The following DAPK1 variants were observed in gnomAD, a reference collection of about 807,000 sequenced individuals.
The protein encoded by DAPK1 is death associated protein kinase 1, also known as death-associated protein kinase 1.
In DAPK1, 56 loss-of-function variants were observed where a neutral mutation model predicts 144.9. That is an observed-to-expected ratio of 0.39 (90% confidence interval 0.31 to 0.48). The LOEUF is 0.48. DAPK1 is among the 20% of genes least tolerant of loss of function. DAPK1 has a pLI of 0.95. For missense variants in DAPK1, 1,454 were observed against 1,875.4 expected (o/e 0.78, Z 4.15); for synonymous variants, 690 against 749.0 (o/e 0.92, Z 1.29).
In DAPK1 at chr9:87,658,054, C is replaced by A; in HGVS notation, c.1850C>A (p.Ala617Glu). Residue 617 changes from alanine to glutamate, a missense_variant, in exon 18 of 26, where the codon GCG (alanine) becomes GAG (glutamate). Ala to Glu is a moderately radical substitution (Grantham distance 107). This residue lies in a region of DAPK1 where 1,025 missense variants were observed against 1,237.9 expected (regional missense o/e 0.83). Coordinates refer to ENST00000408954, the MANE Select transcript of DAPK1 (RefSeq NM_004938.4). ...TATGGGCGAACGCCTCTGCACCTTG[C>A]GGCCAACAACGGAATCCTAGACGTG... ...NKYGRTPLHL[A>E]ANNGILDVVR... The A allele has an allele frequency of 1.3e-6, 2 of 1,514,506 alleles. No homozygotes were observed. The highest frequency in any genetic ancestry group is 1.8e-6 in the Non-Finnish European group (2 of 1,090,112). The allele number at this position is 1,514,506 out of a possible 1,614,324, so 93.8% of individuals were successfully genotyped here. A position where few individuals can be genotyped will look rare whatever the true frequency, so the allele number is the denominator to read the frequency against.
chr9:87,655,344 G>A (rs997002478), intron 17 of DAPK1, among the ~76,000 whole-genome samples: 2 of 152,062 alleles, frequency 1.3e-5, no homozygotes, highest in East Asian at 1.9e-4. Flanking sequence ...GTTGCTGTCA[G>A]GCTTGTTTTG....
In DAPK1 at chr9:87,706,267, G is replaced by A. The variant is rs200178571; in HGVS notation, c.3196G>A (p.Val1066Met). The A allele has an allele frequency of 2.2e-4, 362 of 1,613,458 alleles. 4 individuals carry two copies. The highest frequency in any genetic ancestry group is 1.1e-3 in the South Asian group (99 of 90,984). The change falls in exon 26 of 26, where the codon GTG becomes ATG. Residue 1066 changes from valine (V) to methionine (M), a missense_variant. Coordinates refer to ENST00000408954, the MANE Select transcript of DAPK1 (RefSeq NM_004938.4). The surrounding 1 kb of genome is among the most constrained non-coding windows in gnomAD (Gnocchi z 9.0). Reference sequence around the variant, plus strand: ...GCACCACTACCGGGGCCGCTACACCGTGGAGGACATCCAGCGCCTGGTGCC... The same window carrying A: ...GCACCACTACCGGGGCCGCTACACCATGGAGGACATCCAGCGCCTGGTGCC... Reference protein sequence around the residue: ...ALHHYRGRYTVEDIQRLVPDS... With the variant: ...ALHHYRGRYTMEDIQRLVPDS...
At chr9:87,602,075 G>T (rs777207425) in intron 2 of DAPK1, among the ~76,000 whole-genome samples, 1 of 152,156 alleles carries the variant, frequency 6.6e-6, no homozygotes, top group East Asian at 1.9e-4. Context: ...CCCCTGAGGG[G>T]TATGGGGTGC....
intron 2 of DAPK1, among the ~76,000 whole-genome samples, chr9:87,526,088 G>A (rs36229911): frequency 0.031 from 4,704 of 150,990 alleles, 220 homozygotes; most frequent in African/African-American, 0.11. Flanking sequence ...CAAGAGGATC[G>A]CTTACAGCCA....
chr9:87,498,326 C>A (rs1450861181), intron 1 of DAPK1, among the ~76,000 whole-genome samples: 2 of 152,142 alleles, frequency 1.3e-5, no homozygotes, highest in Admixed American at 6.5e-5. Flanking sequence ...CCCGACCAGG[C>A]GCTTTGTGTC....
intron 2 of DAPK1, among the ~76,000 whole-genome samples, chr9:87,529,695 G>C (rs36230549): frequency 2.0e-5 from 3 of 152,214 alleles, no homozygotes; most frequent in African/African-American, 4.8e-5. Context: ...TGCAGTGGAC[G>C]TGCCTTTATC....
intron 3 of DAPK1, among the ~76,000 whole-genome samples, chr9:87,612,706 A>C (rs969007745): frequency 2.0e-5 from 3 of 152,240 alleles, no homozygotes; most frequent in Non-Finnish European, 4.4e-5. Context: ...ATGCCTAATT[A>C]TGGTAATGCC....
intron 3 of DAPK1, chr9:87,631,988 G>A (rs1587789793): frequency 1.4e-6 from 1 of 714,600 alleles, no homozygotes; most frequent in East Asian, 1.2e-4. Context: ...AGAAATAAAG[G>A]AAGATGAGTA....
At position 87,703,017 on chromosome 9, in the gene DAPK1, T is replaced by G; in HGVS notation, c.2872-12T>G. On this transcript the variant is annotated splice_polypyrimidine_tract_variant and intron_variant, in intron 24 of 25. Coordinates refer to ENST00000408954, the MANE Select transcript of DAPK1 (RefSeq NM_004938.4). The stretch of plus-strand genomic sequence containing the variant: ...GCAGGTGAGTTAACCTGTCTGGCCC[T>G]GCCCCCTCTAGGTCTGTCCTCCCAT... 6.9e-7 allele frequency: 1 copy of G among 1,454,536 alleles called. No individual in the cohort carries two copies. The highest frequency in any genetic ancestry group is 1.4e-5 in the African/African-American group (1 of 71,760). 90.1% of individuals were successfully genotyped at this position (1,454,536 alleles called of 1,614,324 possible). A position where few individuals can be genotyped will look rare whatever the true frequency, so the allele number is the denominator to read the frequency against.
chr9:87,587,257 G>T (rs1000676892), intron 2 of DAPK1, among the ~76,000 whole-genome samples: 1 of 152,088 alleles, frequency 6.6e-6, no homozygotes. Context: ...TAATAATAAC[G>T]GAAGAAAAAA....
chr9:87,593,576 G>A (rs1828214242), intron 2 of DAPK1, among the ~76,000 whole-genome samples: 10 of 152,142 alleles, frequency 6.6e-5, no homozygotes, highest in Admixed American at 5.2e-4. Flanking sequence ...AGACTACCAA[G>A]CTCTGTCCTT....
At chr9:87,541,640 A>G (rs1241495650) in intron 2 of DAPK1, among the ~76,000 whole-genome samples, 1 of 152,194 alleles carries the variant, frequency 6.6e-6, no homozygotes, top group African/African-American at 2.4e-5. Flanking sequence ...GCTTTCAGAG[A>G]AAAACACTCT....
At chr9:87,643,322 C>G in intron 10 of DAPK1, 54 bp from the exon 11 acceptor site, 1 of 1,109,644 alleles carries the variant, frequency 9.0e-7, no homozygotes, top group Non-Finnish European at 1.3e-6. Flanking sequence ...CTCCTCTCAC[C>G]CTGCCTTTTT....
intron 19 of DAPK1, among the ~76,000 whole-genome samples, chr9:87,673,033 T>C (rs1330389910): frequency 6.6e-6 from 1 of 152,206 alleles, no homozygotes; most frequent in Non-Finnish European, 1.5e-5. Flanking sequence ...TCATTTCTCC[T>C]TGATATTCCC....
rs763628679 is a variant in DAPK1, at chr9:87,703,094, C to T, written c.2937C>T (p.Leu979=). The change falls in exon 25 of 26, where the codon CTC becomes CTT. Residue 979 remains leucine, a synonymous_variant. Transcript: ENST00000408954. ...CCACGCTGCCTTCCTGGAGGAAGCTCAATGGACCCAACCAGCTGATGTCGC... is the reference window on the plus strand; with the variant it reads ...CCACGCTGCCTTCCTGGAGGAAGCTTAATGGACCCAACCAGCTGATGTCGC... ...IISTLPSWRK[L]NGPNQLMSLQ... is the part of the protein sequence containing the mutation. The T allele has an allele frequency of 1.9e-6, 3 of 1,598,804 alleles. No individual in the cohort carries two copies. In the African/African-American group the frequency reaches 4.0e-5, roughly 21 times the overall value.
intron 3 of DAPK1, among the ~76,000 whole-genome samples, chr9:87,621,025 C>T (rs1194832192): frequency 1.3e-5 from 2 of 152,192 alleles, no homozygotes; most frequent in Non-Finnish European, 2.9e-5. Flanking sequence ...TTTCTCTGTG[C>T]CTGAGCACTT....
intron 22 of DAPK1, among the ~76,000 whole-genome samples, chr9:87,697,754 ACCAG>A (rs1190979065): frequency 6.6e-6 from 1 of 152,208 alleles, no homozygotes; most frequent in Non-Finnish European, 1.5e-5. Flanking sequence ...GGAGTTCAAG[ACCAG>A]CCTGGCCCAC....
intron 2 of DAPK1, among the ~76,000 whole-genome samples, chr9:87,521,585 C>T (rs62562065): frequency 0.087 from 13,275 of 152,204 alleles, 847 homozygotes; most frequent in East Asian, 0.33. Context: ...TCCTGCCTTC[C>T]GCTAGGATGT....
chr9:87,638,367 T>C (rs1829976169), intron 4 of DAPK1, among the ~76,000 whole-genome samples: 1 of 54,164 alleles, frequency 1.8e-5, no homozygotes, highest in Non-Finnish European at 3.6e-5. Flanking sequence ...AGGGGGCTGC[T>C]CTAGCCAGCA....
Sources: gnomAD v4.1 joint callset for allele counts (sites outside exome capture counted in the v4.1 genomes callset) on GRCh38, gnomAD v4.1.1 for gene constraint, gnomAD v4.1.1 regional missense constraint, Gnocchi (gnomAD v3.1) non-coding constraint, MANE v1.5 for transcripts, NCBI Gene and HGNC (gene_info 2026-07-23, HGNC 2026-07-21) for gene names.